Variants in METTL16 observed in about 807,000 individuals in gnomAD.
The protein encoded by METTL16 is methyltransferase 16, RNA N6-adenosine.
In METTL16, 19 loss-of-function variants were observed where a neutral mutation model predicts 57.9. The observed-to-expected ratio is 0.33, with a 90% confidence interval of 0.23 to 0.48. The LOEUF (loss-of-function observed/expected upper bound fraction) is 0.48, where lower values mean the gene tolerates loss of function less well. Among genes scored for constraint, METTL16 ranks in the 20% least tolerant of loss-of-function variants. The pLI, the probability that METTL16 is intolerant of heterozygous loss-of-function variation, is 0.99. For missense variants in METTL16, 434 were observed against 691.5 expected (o/e 0.63, Z 4.18); for synonymous variants, 246 against 255.6 (o/e 0.96, Z 0.36).
chr17:2,430,362 A>G (rs1044053605), intron 8 of METTL16, among the ~76,000 whole-genome samples: 1 of 150,654 alleles, frequency 6.6e-6, no homozygotes, highest in South Asian at 2.1e-4. Context: ...AACTTTAGAC[A>G]GTTTCAGTTG....
chr17:2,474,632 A>G (rs767798682), intron 3 of METTL16, among the ~76,000 whole-genome samples: 4 of 152,258 alleles, frequency 2.6e-5, no homozygotes, highest in Middle Eastern at 3.4e-3. Context: ...AACCAAGAAT[A>G]TTGTTTTTAC....
In METTL16 at chr17:2,419,590, G is replaced by A. The variant is rs1469044254; in HGVS notation, c.*380C>T. The A allele has an allele frequency of 2.1e-6, 1 of 468,972 alleles. No homozygotes were observed. Among genetic ancestry groups the A allele is most frequent in the African/African-American group, 2.0e-5 (1 of 50,684 alleles). The allele number at this position is 468,972 out of a possible 1,614,324, so 29.1% of individuals were successfully genotyped here. A position where few individuals can be genotyped will look rare whatever the true frequency, so the allele number is the denominator to read the frequency against. ...CCACCCCTCCTCAAGAAACACCCTTGGGTGACAGAGACAGCATGATATTCT... is the reference window on the plus strand; with the variant it reads ...CCACCCCTCCTCAAGAAACACCCTTAGGTGACAGAGACAGCATGATATTCT... On this transcript the variant is annotated 3_prime_UTR_variant, in exon 10 of 10. Transcript: ENST00000263092.
At chr17:2,453,326 CT>C (rs1326369394) in intron 6 of METTL16, among the ~76,000 whole-genome samples, 1 of 152,190 alleles carries the variant, frequency 6.6e-6, no homozygotes, top group African/African-American at 2.4e-5. Context: ...ATTTCATGTA[CT>C]TGTCATGTCT....
intron 4 of METTL16, among the ~76,000 whole-genome samples, chr17:2,472,206 G>A (rs1237780049): frequency 6.6e-6 from 1 of 151,720 alleles, no homozygotes; most frequent in Non-Finnish European, 1.5e-5. Context: ...TGCTCCACAT[G>A]AATATCAGCA....
chr17:2,423,779 CATT>C (rs1394206706), intron 8 of METTL16, among the ~76,000 whole-genome samples: 2 of 152,202 alleles, frequency 1.3e-5, no homozygotes, highest in Admixed American at 1.3e-4. Flanking sequence ...TGCTGTTTCT[CATT>C]ATGCTAAAGC....
At chr17:2,445,902 T>C (rs911066158) in intron 6 of METTL16, among the ~76,000 whole-genome samples, 15 of 151,894 alleles carry the variant, frequency 9.9e-5, no homozygotes, top group South Asian at 2.1e-4. Flanking sequence ...AAAAGAATAA[T>C]ACATTATAAC....
chr17:2,428,389 G>A (rs573397742), intron 8 of METTL16, among the ~76,000 whole-genome samples: 87 of 151,454 alleles, frequency 5.7e-4, no homozygotes, highest in Non-Finnish European at 4.3e-4. Flanking sequence ...CATGGCCAAA[G>A]GCGGTTAACT....
chr17:2,467,629 T>C (rs2067209469), intron 5 of METTL16, 132 bp downstream of exon 5: 9 of 608,432 alleles, frequency 1.5e-5, no homozygotes, highest in African/African-American at 9.4e-5. Flanking sequence ...AGTTTCACCA[T>C]GTTGGCCAGG....
chr17:2,447,885 G>A (rs1455133345), intron 6 of METTL16, among the ~76,000 whole-genome samples: 5 of 84,896 alleles, frequency 5.9e-5, no homozygotes, highest in East Asian at 3.3e-4. Flanking sequence ...CAGCCGCCCC[G>A]TCCGGGAGGG....
At chr17:2,462,828 C>A (rs1032855522) in intron 6 of METTL16, among the ~76,000 whole-genome samples, 1 of 152,086 alleles carries the variant, frequency 6.6e-6, no homozygotes, top group Non-Finnish European at 1.5e-5. Context: ...TGAGAATGGA[C>A]TAATACAGAT....
At chr17:2,465,538 C>T (rs1277414187) in intron 5 of METTL16, among the ~76,000 whole-genome samples, 2 of 112,202 alleles carry the variant, frequency 1.8e-5, no homozygotes, top group African/African-American at 7.4e-5. Context: ...CAGAGCAAGA[C>T]TCCATCTCAA....
intron 6 of METTL16, among the ~76,000 whole-genome samples, chr17:2,450,768 C>T (rs573287420): frequency 2.6e-5 from 4 of 152,102 alleles, no homozygotes; most frequent in Admixed American, 2.0e-4. Flanking sequence ...TTCACCTAAT[C>T]GCATTAAAAG....
At chr17:2,433,316 T>C (rs2066887717) in intron 8 of METTL16, among the ~76,000 whole-genome samples, 1 of 152,180 alleles carries the variant, frequency 6.6e-6, no homozygotes, top group African/African-American at 2.4e-5. Context: ...CTGGGAGTGA[T>C]TAGGATGGAA....
chr17:2,493,977 G>A (rs1490814885), intron 2 of METTL16, among the ~76,000 whole-genome samples: 3 of 152,052 alleles, frequency 2.0e-5, no homozygotes, highest in Admixed American at 6.6e-5. Context: ...TCTTCCCATC[G>A]CCTCACAGAC....
At chr17:2,482,568 T>C (rs1026316972) in intron 2 of METTL16, among the ~76,000 whole-genome samples, 7 of 152,170 alleles carry the variant, frequency 4.6e-5, no homozygotes, top group Non-Finnish European at 1.5e-5. Flanking sequence ...AAAGACTTCA[T>C]TTAAGGCTGA....
chr17:2,438,198 C>A lies in METTL16; in HGVS notation c.799G>T (p.Val267Phe). ...AATTCAGTGTACGTTACTTTGGGAA[C>A]CTGAAACCAACAAAGACAGCATCTC... ...PLKEELRIQG[V>F]PKVTYTEFCQ... Residue 267 changes from valine to phenylalanine, a missense_variant and splice_region_variant, in exon 8 of 10, where the codon GTT becomes TTT. Transcript: ENST00000263092. 6.2e-7 allele frequency: 1 copy of A among 1,612,184 alleles called. No individual in the cohort carries two copies. Among genetic ancestry groups the A allele is most frequent in the South Asian group, 1.1e-5 (1 of 91,008 alleles).
At chr17:2,436,669 A>C (rs1417552365) in intron 8 of METTL16, 1 of 152,262 alleles carries the variant, frequency 6.6e-6, no homozygotes, top group African/African-American at 2.4e-5. Context: ...AGAAAGGAAG[A>C]GCACCTGCTG....
At chr17:2,486,970 C>G (rs1161499317) in intron 2 of METTL16, among the ~76,000 whole-genome samples, 1 of 128,524 alleles carries the variant, frequency 7.8e-6, no homozygotes, top group Non-Finnish European at 1.6e-5. Flanking sequence ...TACCACTGCA[C>G]TCCAGCCTGG....
Position 2,481,624 on chromosome 17 carries a change from A to G in METTL16, c.129-3739T>C, listed in dbSNP as rs1243388785. Among the ~76,000 whole-genome samples the G allele has an allele frequency of 2.6e-5, 4 of 152,206 alleles. No homozygotes were observed. In the East Asian group the frequency reaches 5.8e-4, roughly 22 times the overall value. ...TAAACAAATGAAATGGAAAGGAGCA[A>G]GAAGTTTTAAAAAGTAAAGAAAAAG... On this transcript the variant is annotated intron_variant, in intron 2 of 9. Coordinates refer to ENST00000263092, the MANE Select transcript of METTL16 (RefSeq NM_024086.4).
Sources: allele counts gnomAD v4.1 joint callset (sites outside exome capture counted in the v4.1 genomes callset), GRCh38; gene constraint gnomAD v4.1.1; transcripts MANE v1.5; gene names NCBI Gene and HGNC (gene_info 2026-07-23, HGNC 2026-07-21).